CCDC7: variants seen among roughly 807,000 people sequenced by gnomAD.
The protein encoded by CCDC7 is coiled-coil domain-containing protein 7.
A neutral mutation model predicts 196.9 loss-of-function variants in CCDC7; 183 were observed. The ratio of observed to expected loss-of-function variants is 0.93; its 90% CI spans 0.82 to 1.05. The LOEUF (loss-of-function observed/expected upper bound fraction) is 1.05. Ranked by LOEUF, CCDC7 falls within the 50% of genes least tolerant of loss-of-function variation. The pLI, the probability that CCDC7 is intolerant of heterozygous loss-of-function variation, is 0.00. For synonymous variants in CCDC7, 525 were observed against 484.6 expected (o/e 1.08, Z -1.10); for missense variants, 1,540 against 1,482.2 (o/e 1.04, Z -0.64).
At chr10:32,601,868 T>C (rs938068751) in intron 18 of CCDC7, among the ~76,000 whole-genome samples, 3 of 152,032 alleles carry the variant, frequency 2.0e-5, no homozygotes, top group African/African-American at 7.3e-5. Context: ...CAGTCAGCAC[T>C]CTGTAAAATG....
At chr10:32,612,369 G>C (rs57014330) in intron 18 of CCDC7, among the ~76,000 whole-genome samples, 10 of 152,024 alleles carry the variant, frequency 6.6e-5, no homozygotes, top group African/African-American at 2.4e-4. Context: ...CTGCAACAGA[G>C]AGAATTTGAC....
chr10:32,755,179 C>T (rs904559284), intron 28 of CCDC7, among the ~76,000 whole-genome samples: 1 of 152,178 alleles, frequency 6.6e-6, no homozygotes, highest in Non-Finnish European at 1.5e-5. Context: ...CTGTAGACTC[C>T]ACCTCTGGGG....
intron 1 of CCDC7, among the ~76,000 whole-genome samples, chr10:32,452,244 T>G (rs549970234): frequency 1.3e-5 from 2 of 152,328 alleles, no homozygotes; most frequent in East Asian, 1.9e-4. Flanking sequence ...GTGCTTAGCA[T>G]GTACGAAAAT....
chr10:32,564,568 G>A (rs1394201346), intron 13 of CCDC7, among the ~76,000 whole-genome samples: 5 of 150,130 alleles, frequency 3.3e-5, no homozygotes, highest in East Asian at 3.9e-4. Context: ...ACCAAACACC[G>A]CATATTCTCA....
At chr10:32,833,353 T>TA (rs71185223) in intron 32 of CCDC7, among the ~76,000 whole-genome samples, 2 of 149,966 alleles carry the variant, frequency 1.3e-5, no homozygotes, top group African/African-American at 4.9e-5. Flanking sequence ...ACCCTTTTTT[T>TA]AAAAAAAAAA....
chr10:32,731,536 A>G (rs2132790877), intron 28 of CCDC7, among the ~76,000 whole-genome samples: 1 of 152,240 alleles, frequency 6.6e-6, no homozygotes, highest in Non-Finnish European at 1.5e-5. Flanking sequence ...TCAATGTGTC[A>G]CATATGTTAT....
exon 14 of CCDC7, chr10:32,565,619 A>G: frequency 6.2e-7 from 1 of 1,607,782 alleles, no homozygotes; most frequent in Non-Finnish European, 8.5e-7. Context: ...CAGGCTTTAC[A>G]GGTAAAGGAT....
chr10:32,538,322 T>G (rs2050847417), intron 11 of CCDC7, among the ~76,000 whole-genome samples: 1 of 152,180 alleles, frequency 6.6e-6, no homozygotes, highest in African/African-American at 2.4e-5. Context: ...GCTACTAATT[T>G]TGTATATGGA....
At chr10:32,551,836 A>T (rs2053529274) in intron 13 of CCDC7, among the ~76,000 whole-genome samples, 1 of 152,108 alleles carries the variant, frequency 6.6e-6, no homozygotes, top group Non-Finnish European at 1.5e-5. Flanking sequence ...TATCCTGGAG[A>T]AAGTTCCATG....
At position 32,845,327 on chromosome 10, in the gene CCDC7, G is replaced by A; in HGVS notation, c.3436+1G>A. 6.4e-7 allele frequency: 1 copy of A among 1,553,202 alleles called. No homozygotes were observed. The highest frequency in any genetic ancestry group is 8.7e-7 in the Non-Finnish European group (1 of 1,144,642). On this transcript the variant is annotated splice_donor_variant, in intron 34 of 41. Transcript: ENST00000639629. LOFTEE classifies it high-confidence loss of function. The stretch of plus-strand genomic sequence containing the variant: ...AATGCACAACTAAAGGGTCACCAAA[G>A]TAAGAAAAAGAATTTTTCACATCTA...
chr10:32,467,097 C>T (rs1265658748), intron 5 of CCDC7, among the ~76,000 whole-genome samples: 2 of 147,804 alleles, frequency 1.4e-5, no homozygotes, highest in African/African-American at 4.9e-5. Context: ...CGTTCATGTC[C>T]TTTGTCCACT....
intron 21 of CCDC7, among the ~76,000 whole-genome samples, chr10:32,677,362 T>C (rs2075174993): frequency 7.0e-6 from 1 of 142,930 alleles, no homozygotes; most frequent in Non-Finnish European, 1.5e-5. Flanking sequence ...ACTTAAAGTA[T>C]AATAATAATA....
chr10:32,659,397 T>C (rs1449711069), intron 20 of CCDC7, among the ~76,000 whole-genome samples: 1 of 152,220 alleles, frequency 6.6e-6, no homozygotes, highest in African/African-American at 2.4e-5. Context: ...GAAAAGATAA[T>C]TGATATGATT....
intron 9 of CCDC7, 98 bp from the exon 11 acceptor site, chr10:32,517,847 A>T: frequency 2.2e-6 from 3 of 1,370,104 alleles, no homozygotes; most frequent in Non-Finnish European, 3.0e-6. Flanking sequence ...GCAACTAATT[A>T]CTGAATACCA....
chr10:32,500,923 G>A (rs1163260468), intron 9 of CCDC7, among the ~76,000 whole-genome samples: 1 of 152,168 alleles, frequency 6.6e-6, no homozygotes, highest in African/African-American at 2.4e-5. Context: ...GCGCGTGCCT[G>A]CAATCCCAGG....
chr10:32,753,082 G>A (rs1416433208), intron 28 of CCDC7, among the ~76,000 whole-genome samples: 1 of 152,116 alleles, frequency 6.6e-6, no homozygotes, highest in Non-Finnish European at 1.5e-5. Context: ...CGTTTTTAGA[G>A]TAGATGTATT....
rs746776900 is a variant in CCDC7 at position 32,544,281 on chromosome 10, G to T, written c.1114G>T (p.Glu372Ter). ...TCCAGAAAAAGAGTTTAAAATAAAAGAAGATTTGGATCAAGTACAGGTAAC... is the reference window on the plus strand; with the variant it reads ...TCCAGAAAAAGAGTTTAAAATAAAATAAGATTTGGATCAAGTACAGGTAAC... Residue 372 changes from glutamate to a stop codon, truncating the protein, a stop_gained, in exon 13 of 42, where the codon GAA becomes TAA. Transcript: ENST00000639629. LOFTEE classifies it high-confidence loss of function. 1.9e-6 allele frequency: 3 copies of T among 1,609,278 alleles called. No homozygotes were observed. Among genetic ancestry groups the T allele is most frequent in the Non-Finnish European group, 1.7e-6 (2 of 1,177,556 alleles).
intron 29 of CCDC7, among the ~76,000 whole-genome samples, chr10:32,803,962 G>A (rs974598424): frequency 3.9e-5 from 6 of 151,910 alleles, no homozygotes; most frequent in Admixed American, 6.6e-5. Flanking sequence ...AAATTATATA[G>A]TATGATATAC....
At chr10:32,467,460 T>C (rs996817761) in intron 5 of CCDC7, among the ~76,000 whole-genome samples, 20 of 152,160 alleles carry the variant, frequency 1.3e-4, no homozygotes, top group Non-Finnish European at 2.4e-4. Flanking sequence ...TAAATATGCT[T>C]AAGTTTCTTA....
Sources: allele counts gnomAD v4.1 joint callset (sites outside exome capture counted in the v4.1 genomes callset), GRCh38; gene constraint gnomAD v4.1.1; transcripts MANE v1.5; gene names NCBI Gene and HGNC (gene_info 2026-07-23, HGNC 2026-07-21).